TMC7: variants seen among roughly 807,000 people sequenced by gnomAD.
The protein encoded by TMC7 is transmembrane channel like 7, also known as transmembrane channel-like protein 7.
Under a neutral mutation model 82.9 loss-of-function variants are expected in TMC7, and 54 were observed. The ratio of observed to expected loss-of-function variants is 0.65; its 90% confidence interval spans 0.52 to 0.82. TMC7 has a LOEUF of 0.82. Ranked by LOEUF, TMC7 falls within the 40% of genes least tolerant of loss-of-function variation. TMC7 has a pLI of 0.00. For missense variants in TMC7, 820 were observed against 901.2 expected (o/e 0.91, Z 1.15); for synonymous variants, 350 against 337.9 (o/e 1.04, Z -0.39).
At chr16:19,035,115 T>C (rs1290189930) in intron 6 of TMC7, among the ~76,000 whole-genome samples, 2 of 152,192 alleles carry the variant, frequency 1.3e-5, no homozygotes, top group Non-Finnish European at 2.9e-5. Flanking sequence ...TGAAATCATG[T>C]CCTTTGCAGC....
chr16:18,991,269 C>A (rs960880872), intron 1 of TMC7, among the ~76,000 whole-genome samples: 1 of 152,228 alleles, frequency 6.6e-6, no homozygotes, highest in Admixed American at 6.5e-5. Flanking sequence ...ACAGAAGACG[C>A]AAGGTCTGAA....
In TMC7 at chr16:19,058,319, G is replaced by A. The variant is rs567395064; in HGVS notation, c.2028-1097G>A. On this transcript the variant is annotated intron_variant, in intron 14 of 15. Coordinates refer to ENST00000304381, the MANE Select transcript of TMC7 (RefSeq NM_024847.4). ...TCCTTGAACCCGAGAGGCAGAGGTT[G>A]CAGTGAGCTGAGATCGCGCCATTGC... Among the ~76,000 whole-genome samples, 19 of 152,252 alleles carry A rather than the reference G, an allele frequency of 1.2e-4. No homozygotes were observed. The South Asian group carries it at 3.5e-3, about 28-fold the overall frequency.
chr16:19,047,239 A>G lies in TMC7; in HGVS notation c.1730A>G (p.Tyr577Cys), dbSNP rs989767147. 6.2e-7 allele frequency: 1 copy of G among 1,613,716 alleles called. No homozygotes were observed. ...ACCCTGAAATTCATTATCATCTTCT[A>G]TGTGAAAGAGGTAAGGAGCCGGTGG... ...IATLKFIIIF[Y>C]VKEWSLLYTC... The change falls in exon 12 of 16, where the codon TAT becomes TGT. Residue 577 changes from tyrosine to cysteine, a missense_variant. Tyr to Cys is a radical substitution (Grantham distance 194). Transcript: ENST00000304381.
chr16:19,029,476 C>T (rs984059256), intron 5 of TMC7, among the ~76,000 whole-genome samples: 3 of 152,108 alleles, frequency 2.0e-5, no homozygotes, highest in Admixed American at 6.6e-5. Context: ...AGCACAAACA[C>T]GGCTTATTCC....
At chr16:19,013,623 C>T (rs1959505359) in intron 2 of TMC7, among the ~76,000 whole-genome samples, 1 of 151,936 alleles carries the variant, frequency 6.6e-6, no homozygotes, top group Admixed American at 6.6e-5. Flanking sequence ...GTTTCAGCGA[C>T]TGTCCCACTT....
At chr16:18,990,869 A>T (rs1567497253) in intron 1 of TMC7, among the ~76,000 whole-genome samples, 1 of 152,146 alleles carries the variant, frequency 6.6e-6, no homozygotes, top group East Asian at 1.9e-4. Context: ...GTGGAATATC[A>T]TCAGTTAAGG....
At chr16:19,005,760 A>G (rs984864349) in intron 1 of TMC7, among the ~76,000 whole-genome samples, 2 of 151,868 alleles carry the variant, frequency 1.3e-5, no homozygotes, top group East Asian at 1.9e-4. Flanking sequence ...CAGGGCTTAG[A>G]CCCTTTTCCT....
At chr16:19,056,980 G>A (rs549169830) in intron 14 of TMC7, among the ~76,000 whole-genome samples, 3 of 151,558 alleles carry the variant, frequency 2.0e-5, no homozygotes, top group Non-Finnish European at 4.4e-5. Context: ...AAATAAATAA[G>A]TAACAAAAAT....
chr16:18,997,172 C>T (rs184721201), intron 1 of TMC7, among the ~76,000 whole-genome samples: 2 of 152,330 alleles, frequency 1.3e-5, no homozygotes, highest in Non-Finnish European at 2.9e-5. Context: ...CGAAGGAGTC[C>T]TCCCGTCCTG....
At chr16:19,038,615 C>T (rs1960867038) in intron 8 of TMC7, among the ~76,000 whole-genome samples, 1 of 151,978 alleles carries the variant, frequency 6.6e-6, no homozygotes, top group South Asian at 2.1e-4. Flanking sequence ...CTCCCAGGTT[C>T]AAGTGATTCT....
At position 19,040,294 on chromosome 16, in the gene TMC7, C is replaced by T. The variant is rs1293793210; in HGVS notation, c.1185C>T (p.Ile395=). Reference sequence around the variant, plus strand: ...AAGTTTTGTTATCCTCCTAGGAAATCGACAAGATGGTTTTTGGAGAGAACC... The same window carrying T: ...AAGTTTTGTTATCCTCCTAGGAAATTGACAAGATGGTTTTTGGAGAGAACC... ...VFSQEHMKKE[I]DKMVFGENLF... Residue 395 remains isoleucine, a synonymous_variant, in exon 9 of 16, where the codon ATC becomes ATT. Coordinates refer to ENST00000304381, the MANE Select transcript of TMC7 (RefSeq NM_024847.4). 10 of 1,612,614 alleles carry T rather than the reference C, an allele frequency of 6.2e-6. No individual in the cohort carries two copies. Among genetic ancestry groups the T allele is most frequent in the Admixed American group, 1.7e-5 (1 of 59,748 alleles).
chr16:18,997,455 T>C (rs2039062739), intron 1 of TMC7, among the ~76,000 whole-genome samples: 3 of 149,878 alleles, frequency 2.0e-5, no homozygotes, highest in Admixed American at 6.6e-5. Flanking sequence ...CTGCAACCTC[T>C]GACTCCTGGA....
At chr16:19,046,376 G>A (rs1197146765) in intron 11 of TMC7, among the ~76,000 whole-genome samples, 1 of 152,212 alleles carries the variant, frequency 6.6e-6, no homozygotes, top group African/African-American at 2.4e-5. Flanking sequence ...TAAAAGCACT[G>A]AGAACACTCC....
At chr16:19,018,580 G>A (rs1197090544) in intron 3 of TMC7, among the ~76,000 whole-genome samples, 3 of 152,064 alleles carry the variant, frequency 2.0e-5, no homozygotes, top group Non-Finnish European at 4.4e-5. Context: ...TTCACCATAC[G>A]AATTTGAGGG....
chr16:19,028,774 G>A (rs543444047), intron 5 of TMC7, among the ~76,000 whole-genome samples: 1 of 151,762 alleles, frequency 6.6e-6, no homozygotes, highest in Admixed American at 6.6e-5. Flanking sequence ...TCCTGCCTTA[G>A]CCTCCCGAGT....
intron 9 of TMC7, among the ~76,000 whole-genome samples, chr16:19,040,985 A>T (rs559984694): frequency 6.7e-6 from 1 of 148,836 alleles, no homozygotes; most frequent in African/African-American, 2.5e-5. Flanking sequence ...CAAATCCCTG[A>T]TCTCAAACAA....
At chr16:19,045,582 G>A in intron 11 of TMC7, 144 bp downstream of exon 11, 1 of 521,768 alleles carries the variant, frequency 1.9e-6, no homozygotes, top group Non-Finnish European at 3.4e-6. Flanking sequence ...TCTGACAACT[G>A]GTAACTTTCT....
intron 14 of TMC7, among the ~76,000 whole-genome samples, chr16:19,057,734 G>C (rs1961836231): frequency 6.6e-6 from 1 of 152,240 alleles, no homozygotes; most frequent in Non-Finnish European, 1.5e-5. Context: ...GGACGTCACT[G>C]ATTTCAGGAT....
At chr16:18,984,413 AGT>A in intron 1 of TMC7, 1 of 1,245,260 alleles carries the variant, frequency 8.0e-7, no homozygotes. Context: ...TGACCGAGAC[AGT>A]CTTTCAATAG....
Sources: gnomAD v4.1 joint callset for allele counts (sites outside exome capture counted in the v4.1 genomes callset) on GRCh38, gnomAD v4.1.1 for gene constraint, MANE v1.5 for transcripts, NCBI Gene and HGNC (gene_info 2026-07-23, HGNC 2026-07-21) for gene names.